AGAP1: variants seen among roughly 807,000 people sequenced by gnomAD.
AGAP1 encodes the protein arf-GAP with GTPase, ANK repeat and PH domain-containing protein 1.
A neutral mutation model predicts 105.3 loss-of-function variants in AGAP1; 29 were observed. That is an observed-to-expected ratio of 0.28 (90% CI 0.21 to 0.38). AGAP1 has a LOEUF of 0.38. Among genes scored for constraint, AGAP1 ranks in the 10% least tolerant of loss-of-function variants. The pLI, the probability that AGAP1 is intolerant of heterozygous loss-of-function variation, is 1.00. For missense variants in AGAP1, 998 were observed against 1,165.1 expected, an observed-to-expected ratio of 0.86 and a Z score of 2.09; for synonymous variants, 509 against 485.9, an observed-to-expected ratio of 1.05 and a Z score of -0.63.
intron 1 of AGAP1, among the ~76,000 whole-genome samples, chr2:235,546,358 C>A (rs990048186): frequency 6.6e-6 from 1 of 152,058 alleles, no homozygotes; most frequent in African/African-American, 2.4e-5. Flanking sequence ...GCTTAAAAGT[C>A]TTTTTCAGAG....
chr2:235,739,977 A>G lies in AGAP1; in HGVS notation c.311-986A>G, dbSNP rs1348719555. On this transcript the variant is annotated intron_variant, in intron 3 of 17. Coordinates refer to ENST00000304032, the MANE Select transcript of AGAP1 (RefSeq NM_001037131.3). The surrounding 1 kb of genome is among the most constrained non-coding windows in gnomAD (Gnocchi z 5.3). ...GGTTTAGACAGGGTTTCTGGACGGC[A>G]TCTGCACAGAGGAGCGGAAGACAAG... Among the ~76,000 whole-genome samples the G allele has an allele frequency of 6.6e-6, 1 of 152,216 alleles. No homozygotes were observed. Among genetic ancestry groups the G allele is most frequent in the African/African-American group, 2.4e-5 (1 of 41,452 alleles).
At chr2:235,576,426 T>G (rs530145990) in intron 1 of AGAP1, among the ~76,000 whole-genome samples, 7 of 152,296 alleles carry the variant, frequency 4.6e-5, no homozygotes, top group African/African-American at 1.4e-4. Context: ...CTGTTTCCCC[T>G]GAAGTTTGAC....
chr2:235,948,001 G>A (rs1006313784), intron 12 of AGAP1, among the ~76,000 whole-genome samples: 2 of 152,216 alleles, frequency 1.3e-5, no homozygotes, highest in Non-Finnish European at 2.9e-5. Flanking sequence ...GGGCTAGGCC[G>A]GCTAGGCCAG....
Position 236,049,226 on chromosome 2 carries a change from A to G in AGAP1, c.2059A>G (p.Ser687Gly), listed in dbSNP as rs763397001. 6.2e-7 allele frequency: 1 copy of G among 1,614,236 alleles called. No homozygotes were observed. The highest frequency in any genetic ancestry group is 8.5e-7 in the Non-Finnish European group (1 of 1,180,050). Residue 687 changes from serine (S) to glycine (G), a missense_variant, in exon 16 of 18, where the codon AGC (serine) becomes GGC (glycine). Coordinates refer to ENST00000304032, the MANE Select transcript of AGAP1 (RefSeq NM_001037131.3). ...ATCCATCGGGAACGAGCTAGCCAACAGCGTCTGGGAAGAGAGCAGCCAGGG... is the reference window on the plus strand; with the variant it reads ...ATCCATCGGGAACGAGCTAGCCAACGGCGTCTGGGAAGAGAGCAGCCAGGG... ...MSSIGNELAN[S>G]VWEESSQGRT...
intron 1 of AGAP1, among the ~76,000 whole-genome samples, chr2:235,661,202 A>ACAGATACG (rs1254267923): frequency 1.3e-5 from 2 of 152,098 alleles, no homozygotes; most frequent in African/African-American, 2.4e-5. Flanking sequence ...GGTAGTTCAG[A>ACAGATACG]CAGATACGCA....
intron 1 of AGAP1, among the ~76,000 whole-genome samples, chr2:235,561,860 A>G (rs983009970): frequency 6.6e-6 from 1 of 152,144 alleles, no homozygotes; most frequent in Non-Finnish European, 1.5e-5. Context: ...AAGTTGAAAC[A>G]TAGCTTTCTT....
intron 6 of AGAP1, among the ~76,000 whole-genome samples, chr2:235,782,872 TGAA>T (rs1479164598): frequency 1.3e-5 from 2 of 152,186 alleles, no homozygotes; most frequent in African/African-American, 4.8e-5. Context: ...GTGTTTAAGT[TGAA>T]GTATACCTTT....
In AGAP1 at chr2:235,494,099, G is replaced by C; in HGVS notation, c.-588G>C. 6.8e-6 allele frequency: 1 copy of C among 146,098 alleles called. No individual in the cohort carries two copies. Among genetic ancestry groups the C allele is most frequent in the South Asian group, 1.8e-4 (1 of 5,550 alleles). The allele number at this position is 146,098 out of a possible 1,614,324, so 9.1% of individuals were successfully genotyped here. Reference sequence around the variant, plus strand: ...GGGCAGGCGGCGGGCGGCGCTCGGAGCGGGCTCCGCGGCTTGCAAGGCGCC... The same window carrying C: ...GGGCAGGCGGCGGGCGGCGCTCGGACCGGGCTCCGCGGCTTGCAAGGCGCC... On this transcript the variant is annotated 5_prime_UTR_variant, in exon 1 of 18. Coordinates refer to ENST00000304032, the MANE Select transcript of AGAP1 (RefSeq NM_001037131.3).
intron 1 of AGAP1, among the ~76,000 whole-genome samples, chr2:235,496,434 T>G (rs945306530): frequency 6.6e-6 from 1 of 152,148 alleles, no homozygotes; most frequent in Admixed American, 6.5e-5. Flanking sequence ...TCAGGTGGTG[T>G]TGCAGCAAGG....
chr2:235,968,680 T>C, intron 13 of AGAP1, 57 bp downstream of exon 13: 1 of 1,535,086 alleles, frequency 6.5e-7, no homozygotes, highest in South Asian at 1.2e-5. Context: ...TTCTCTGTTA[T>C]TTTTCAAATG....
intron 12 of AGAP1, among the ~76,000 whole-genome samples, chr2:235,955,569 GCAAAC>G (rs2053912874): frequency 6.6e-6 from 1 of 152,142 alleles, no homozygotes; most frequent in Admixed American, 6.5e-5. Flanking sequence ...AACTGACTAA[GCAAAC>G]CAAAGCATAT....
chr2:235,639,098 A>G lies in AGAP1; in HGVS notation c.164-70081A>G, dbSNP rs943730400. The stretch of plus-strand genomic sequence containing the variant: ...CCATTTGAGAGGGAGCTTCTAGAGG[A>G]CTTGATGGATGGAATTTGGTCAAGG... On this transcript the variant is annotated intron_variant, in intron 1 of 17. Transcript: ENST00000304032. This position sits in a 1 kb window ranked among gnomAD's most constrained non-coding sequence, Gnocchi z 5.3. 6.6e-6 allele frequency among the ~76,000 whole-genome samples: 1 copy of G among 152,072 alleles called. No individual in the cohort carries two copies. The highest frequency in any genetic ancestry group is 1.5e-5 in the Non-Finnish European group (1 of 68,000).
intron 1 of AGAP1, among the ~76,000 whole-genome samples, chr2:235,573,036 CTTCTTCTTCTTCTTCTTCTTCTTCT>C (rs1474224247): frequency 0.066 from 1,330 of 20,028 alleles, 15 homozygotes; most frequent in Admixed American, 0.13. Context: ...TCTTCTTCTT[CTTCTTCTTCTTCTTCTTCTTCTTCT>C]TTCTTCTTTC....
At position 235,906,773 on chromosome 2, in the gene AGAP1, G is replaced by A. The variant is rs763422191; in HGVS notation, c.1156-1965G>A. 6.6e-6 allele frequency among the ~76,000 whole-genome samples: 1 copy of A among 152,198 alleles called. No individual in the cohort carries two copies. The highest frequency in any genetic ancestry group is 6.5e-5 in the Admixed American group (1 of 15,282). On this transcript the variant is annotated intron_variant, in intron 10 of 17. Coordinates refer to ENST00000304032, the MANE Select transcript of AGAP1 (RefSeq NM_001037131.3). The surrounding 1 kb of genome is among the most constrained non-coding windows in gnomAD (Gnocchi z 5.3). ...TTCCTTTCCCCTGAACTGGAATTGT[G>A]TACTTTGTGGCTTTTGTTGTGCCTT...
intron 1 of AGAP1, among the ~76,000 whole-genome samples, chr2:235,547,550 G>C (rs1193300505): frequency 6.6e-6 from 1 of 151,906 alleles, no homozygotes; most frequent in Non-Finnish European, 1.5e-5. Context: ...GTAAAGATGG[G>C]GTTTCACCAT....
rs768870974 is a variant in AGAP1 at position 236,049,258 on chromosome 2, G to A, written c.2091G>A (p.Thr697=). The A allele has an allele frequency of 1.2e-5, 20 of 1,614,062 alleles. No homozygotes were observed. In the East Asian group the frequency reaches 1.8e-4, roughly 14 times the overall value. Residue 697 remains threonine, a synonymous_variant, in exon 16 of 18, where the codon ACG becomes ACA. Coordinates refer to ENST00000304032, the MANE Select transcript of AGAP1 (RefSeq NM_001037131.3). The part of the protein sequence containing the change: ...SVWEESSQGR[T]KPSVDSTREE... ...GGGAAGAGAGCAGCCAGGGGCGGAC[G>A]AAACCATCGGTAGACTCCACAAGGT...
intron 13 of AGAP1, among the ~76,000 whole-genome samples, chr2:235,997,074 T>A (rs1217327200): frequency 6.6e-6 from 1 of 152,184 alleles, no homozygotes; most frequent in Admixed American, 6.5e-5. Context: ...TACATGCATA[T>A]TGCCTTTAAT....
At chr2:235,838,348 G>C (rs1043139817) in intron 9 of AGAP1, among the ~76,000 whole-genome samples, 2 of 152,202 alleles carry the variant, frequency 1.3e-5, no homozygotes, top group African/African-American at 2.4e-5. Flanking sequence ...TGCCTCCAAA[G>C]TGATTTTGCT....
chr2:235,799,855 G>GT lies in AGAP1; in HGVS notation c.957+334dup, dbSNP rs1302588966. ...TGACAAAACTCTAAGATTCCCAGAT[G>GT]TGTGTCTCTAACCGTTCAGATGATA... is the stretch of plus-strand genomic sequence containing the variant. On this transcript the variant is annotated intron_variant, in intron 8 of 17. Coordinates refer to ENST00000304032, the MANE Select transcript of AGAP1 (RefSeq NM_001037131.3). This position sits in a 1 kb window ranked among gnomAD's most constrained non-coding sequence, Gnocchi z 5.0. Among the ~76,000 whole-genome samples the GT allele has an allele frequency of 6.6e-6, 1 of 152,098 alleles. No individual in the cohort carries two copies. Among genetic ancestry groups the GT allele is most frequent in the African/African-American group, 2.4e-5 (1 of 41,414 alleles).
Sources: gnomAD v4.1 joint callset for allele counts (sites outside exome capture counted in the v4.1 genomes callset) on GRCh38, gnomAD v4.1.1 for gene constraint, Gnocchi (gnomAD v3.1) non-coding constraint, MANE v1.5 for transcripts, NCBI Gene and HGNC (gene_info 2026-07-23, HGNC 2026-07-21) for gene names.